FAM135B: variants seen among roughly 807,000 people sequenced by gnomAD.
The protein encoded by FAM135B is protein FAM135B.
FAM135B carries 43 observed loss-of-function variants against 127.7 expected under a neutral mutation model. The ratio of observed to expected loss-of-function variants is 0.34; its 90% CI spans 0.26 to 0.43. The LOEUF (loss-of-function observed/expected upper bound fraction) is 0.43. Ranked by LOEUF, FAM135B falls within the 20% of genes least tolerant of loss-of-function variation. The pLI, the probability that FAM135B is intolerant of heterozygous loss-of-function variation, is 1.00. For missense variants in FAM135B, 1,558 were observed against 1,725.6 expected (o/e 0.90, Z 1.72); for synonymous variants, 670 against 665.1 (o/e 1.01, Z -0.11).
rs567657764 is a variant in FAM135B at position 138,409,043 on chromosome 8, AC to A, written c.-19-41042del. Reference sequence around the variant, plus strand: ...CCTTTTCCCTTATATTTACAACTTGACTACTGTTTGGCAAAAGAGGCCTAGC... The same window carrying A: ...CCTTTTCCCTTATATTTACAACTTGATACTGTTTGGCAAAAGAGGCCTAGC... On this transcript the variant is annotated intron_variant, in intron 1 of 19. Transcript: ENST00000395297. 1.4e-3 allele frequency among the ~76,000 whole-genome samples: 218 copies of A among 152,260 alleles called. 1 individual carries two copies. Among genetic ancestry groups the A allele is most frequent in the African/African-American group, 5.1e-3 (211 of 41,536 alleles).
intron 3 of FAM135B, among the ~76,000 whole-genome samples, chr8:138,303,403 G>A (rs1206857180): frequency 6.6e-6 from 1 of 152,074 alleles, no homozygotes; most frequent in Non-Finnish European, 1.5e-5. Flanking sequence ...CATGGACACA[G>A]GGAGGGGAGC....
rs2130383829 is a variant in FAM135B at position 138,242,991 on chromosome 8, A to T, written c.620T>A (p.Leu207Gln). ...CCCAGCTCCAAAGACCAAGTTTTCC[A>T]GAGAAATGATAGACTGTTCTTGTCC... is the stretch of plus-strand genomic sequence containing the variant. ...DTGQEQSIIS[L>Q]ENLVFGAGYC... The change falls in exon 7 of 20, where the codon CTG (leucine) becomes CAG (glutamine). Residue 207 changes from leucine to glutamine, a missense_variant. Physicochemically the swap from Leu to Gln is moderately radical, Grantham distance 113 (BLOSUM62 -2). Around this residue, in one of 5 missense-constraint regions of FAM135B, gnomAD observed 127 missense variants for 109.7 expected, o/e 1.16. Coordinates refer to ENST00000395297, the MANE Select transcript of FAM135B (RefSeq NM_015912.4). The surrounding 1 kb of genome is among the most constrained non-coding windows in gnomAD (Gnocchi z 9.6). 6.2e-7 allele frequency: 1 copy of T among 1,614,002 alleles called. No individual in the cohort carries two copies. Among genetic ancestry groups the T allele is most frequent in the Non-Finnish European group, 8.5e-7 (1 of 1,179,940 alleles).
intron 2 of FAM135B, among the ~76,000 whole-genome samples, chr8:138,312,897 C>A (rs1433890900): frequency 1.3e-5 from 2 of 152,176 alleles, no homozygotes; most frequent in Non-Finnish European, 2.9e-5. Context: ...CATACATATG[C>A]CCATGTGATT....
intron 7 of FAM135B, among the ~76,000 whole-genome samples, chr8:138,199,508 C>T (rs1816935550): frequency 6.6e-6 from 1 of 152,190 alleles, no homozygotes; most frequent in African/African-American, 2.4e-5. Flanking sequence ...CAGAGTTACC[C>T]GGCCTTGGGG....
chr8:138,152,825 C>G lies in FAM135B; in HGVS notation c.1650G>C (p.Val550=). ...SPGPEDGQAP[V]LTYIDVKSSN... ...TAGATTTTACGTCAATGTAGGTCAG[C>G]ACTGGGGCCTGTCCATCCTCTGGAC... Residue 550 remains valine (V), a synonymous_variant, in exon 13 of 20, where the codon GTG becomes GTC. Coordinates refer to ENST00000395297, the MANE Select transcript of FAM135B (RefSeq NM_015912.4). 1 of 1,613,950 alleles carries G rather than the reference C, an allele frequency of 6.2e-7. No homozygotes were observed. Among genetic ancestry groups the G allele is most frequent in the Non-Finnish European group, 8.5e-7 (1 of 1,179,978 alleles).
At chr8:138,224,598 T>G (rs891280464) in intron 7 of FAM135B, among the ~76,000 whole-genome samples, 25 of 152,178 alleles carry the variant, frequency 1.6e-4, no homozygotes, top group African/African-American at 6.0e-4. Flanking sequence ...AGAATAGTAC[T>G]ACACTGTAGC....
chr8:138,207,623 G>C (rs934469601), intron 7 of FAM135B, among the ~76,000 whole-genome samples: 2 of 152,172 alleles, frequency 1.3e-5, no homozygotes, highest in African/African-American at 4.8e-5. Context: ...AGTGGAGCTA[G>C]AGCCAATGGA....
intron 2 of FAM135B, among the ~76,000 whole-genome samples, chr8:138,346,757 A>C (rs1489315574): frequency 1.3e-5 from 2 of 152,154 alleles, no homozygotes; most frequent in East Asian, 1.9e-4. Flanking sequence ...TGTGCAGTAC[A>C]CCACTGTGGC....
chr8:138,474,144 T>C (rs1337148933), intron 1 of FAM135B, among the ~76,000 whole-genome samples: 1 of 152,192 alleles, frequency 6.6e-6, no homozygotes, highest in Admixed American at 6.5e-5. Flanking sequence ...GTTCCTTCCT[T>C]GCAGTGCAGC....
At chr8:138,197,700 G>A (rs2131142093) in intron 7 of FAM135B, 31 bp from the exon 8 acceptor site, 1 of 1,607,292 alleles carries the variant, frequency 6.2e-7, no homozygotes, top group Non-Finnish European at 8.5e-7. Context: ...AGAGGCTGAG[G>A]AATATTGCAC....
chr8:138,476,202 G>C (rs1298104656), intron 1 of FAM135B, among the ~76,000 whole-genome samples: 1 of 152,140 alleles, frequency 6.6e-6, no homozygotes, highest in Non-Finnish European at 1.5e-5. Flanking sequence ...GTTGCCAAGG[G>C]TCTGGGGGGA....
intron 1 of FAM135B, among the ~76,000 whole-genome samples, chr8:138,493,003 G>A (rs375522152): frequency 3.3e-4 from 50 of 152,134 alleles, no homozygotes; most frequent in African/African-American, 1.0e-3. Context: ...CAAATGCCCT[G>A]TACCAGGCAC....
chr8:138,353,609 T>A (rs1461936023), intron 2 of FAM135B, among the ~76,000 whole-genome samples: 1 of 152,180 alleles, frequency 6.6e-6, no homozygotes, highest in Admixed American at 6.5e-5. Context: ...TTAGACTTCA[T>A]AATACTGGCT....
chr8:138,318,249 T>C (rs1379175701), intron 2 of FAM135B, among the ~76,000 whole-genome samples: 2 of 152,210 alleles, frequency 1.3e-5, no homozygotes, highest in African/African-American at 2.4e-5. Context: ...AAAAGATCTA[T>C]GTATTTCAGT....
At chr8:138,383,095 A>G (rs1831960270) in intron 1 of FAM135B, among the ~76,000 whole-genome samples, 1 of 152,194 alleles carries the variant, frequency 6.6e-6, no homozygotes, top group African/African-American at 2.4e-5. Context: ...CAACCTCAAA[A>G]GTGTCCCTTG....
At chr8:138,348,431 G>A (rs57685852) in intron 2 of FAM135B, among the ~76,000 whole-genome samples, 3,658 of 152,098 alleles carry the variant, frequency 0.024, 67 homozygotes, top group East Asian at 0.12. Context: ...CACCGCACCT[G>A]GCCTTTTTTC....
chr8:138,227,263 T>G (rs1819529624), intron 7 of FAM135B, among the ~76,000 whole-genome samples: 1 of 152,290 alleles, frequency 6.6e-6, no homozygotes, highest in South Asian at 2.1e-4. Flanking sequence ...TCTTTAAAAG[T>G]GTTTTCTGGG....
chr8:138,138,002 A>T (rs1816806497), intron 18 of FAM135B, among the ~76,000 whole-genome samples: 2 of 152,126 alleles, frequency 1.3e-5, no homozygotes, highest in South Asian at 4.1e-4. Flanking sequence ...CCCTCATCAG[A>T]CATCACACAT....
At chr8:138,162,539 C>A (rs2130862921) in intron 12 of FAM135B, among the ~76,000 whole-genome samples, 1 of 152,318 alleles carries the variant, frequency 6.6e-6, no homozygotes, top group Admixed American at 6.5e-5. Context: ...GAAGGCTATG[C>A]ATGTGAGGGC....
Sources: gnomAD v4.1 joint callset for allele counts (sites outside exome capture counted in the v4.1 genomes callset) on GRCh38, gnomAD v4.1.1 for gene constraint, gnomAD v4.1.1 regional missense constraint, Gnocchi (gnomAD v3.1) non-coding constraint, MANE v1.5 for transcripts, NCBI Gene and HGNC (gene_info 2026-07-23, HGNC 2026-07-21) for gene names.